Variants in HAND2 observed in about 807,000 individuals in gnomAD.
HAND2 encodes the protein heart and neural crest derivatives expressed 2.
A neutral mutation model predicts 14.7 loss-of-function variants in HAND2; 2 were observed. The ratio of observed to expected loss-of-function variants is 0.14; its 90% CI spans 0.06 to 0.43. The LOEUF (loss-of-function observed/expected upper bound fraction) is 0.43. HAND2 is among the 20% of genes least tolerant of loss of function. The pLI is 0.99. For missense variants in HAND2, 275 were observed against 313.6 expected, an observed-to-expected ratio of 0.88 and a Z score of 0.93; for synonymous variants, 162 against 135.9, an observed-to-expected ratio of 1.19 and a Z score of -1.34.
In HAND2 at chr4:173,529,636, G is replaced by T; in HGVS notation, c.-347C>A. On this transcript the variant is annotated 5_prime_UTR_variant, in exon 1 of 2. Transcript: ENST00000359562. ...CTCCTGCTTCCCGGGCTGCTGCGCG[G>T]AGGCAGAATCCTCTCGTGCTCATAC... is the stretch of plus-strand genomic sequence containing the variant. 1 of 153,668 alleles carries T rather than the reference G, an allele frequency of 6.5e-6. No individual in the cohort carries two copies. The highest frequency in any genetic ancestry group is 1.8e-4 in the South Asian group (1 of 5,540). 9.5% of individuals were successfully genotyped at this position (153,668 alleles called of 1,614,324 possible). A position where few individuals can be genotyped will look rare whatever the true frequency, so the allele number is the denominator to read the frequency against.
chr4:173,527,535 A>C (rs1233586263), intron 1 of HAND2, 160 bp from the exon 2 acceptor site: 1 of 687,924 alleles, frequency 1.5e-6, no homozygotes, highest in African/African-American at 1.8e-5. Flanking sequence ...GAAGCTACCA[A>C]GGTTAGCGCT....
Position 173,528,615 on chromosome 4 carries a change from T to C in HAND2, c.555+120A>G, listed in dbSNP as rs961642052. The C allele has an allele frequency of 5.5e-6, 7 of 1,278,564 alleles. No individual in the cohort carries two copies. In the African/African-American group the frequency reaches 8.8e-5, roughly 16 times the overall value. 79.2% of individuals were successfully genotyped at this position (1,278,564 alleles called of 1,614,324 possible). A position where few individuals can be genotyped will look rare whatever the true frequency, so the allele number is the denominator to read the frequency against. ...CTTACACAACCTGGTGCAAACAACC[T>C]TGAAGCGGGACGCAGCCAAAGAACA... On this transcript the variant is annotated intron_variant, in intron 1 of 1. Transcript: ENST00000359562. This position sits in a 1 kb window ranked among gnomAD's most constrained non-coding sequence, Gnocchi z 5.6.
At position 173,529,356 on chromosome 4, in the gene HAND2, C is replaced by T; in HGVS notation, c.-67G>A. 2.5e-6 allele frequency: 3 copies of T among 1,187,460 alleles called. No individual in the cohort carries two copies. The highest frequency in any genetic ancestry group is 2.1e-6 in the Non-Finnish European group (2 of 950,860). 73.6% of individuals were successfully genotyped at this position (1,187,460 alleles called of 1,614,324 possible). A position where few individuals can be genotyped will look rare whatever the true frequency, so the allele number is the denominator to read the frequency against. On this transcript the variant is annotated 5_prime_UTR_variant, in exon 1 of 2. Coordinates refer to ENST00000359562, the MANE Select transcript of HAND2 (RefSeq NM_021973.3). ...GCCCCGCCGCGCCCTCGGCCCGGGC[C>T]CCTGCCTCAGCGCTCGGCGTCCTCC...
chr4:173,527,010 T>C lies in HAND2; in HGVS notation c.*267A>G. 1.6e-6 allele frequency: 1 copy of C among 634,052 alleles called. No individual in the cohort carries two copies. Among genetic ancestry groups the C allele is most frequent in the Admixed American group, 2.1e-5 (1 of 47,810 alleles). 39.3% of individuals were successfully genotyped at this position (634,052 alleles called of 1,614,324 possible). On this transcript the variant is annotated 3_prime_UTR_variant, in exon 2 of 2. Transcript: ENST00000359562. Reference sequence around the variant, plus strand: ...GAATCTATGAGACGACGGGATCCCTTACCACACGGGAGTGTCCTCTTCGTA... The same window carrying C: ...GAATCTATGAGACGACGGGATCCCTCACCACACGGGAGTGTCCTCTTCGTA...
Position 173,527,280 on chromosome 4 carries a change from C to T in HAND2, c.651G>A (p.Gln217=). Reference sequence around the variant, plus strand: ...CTCCTCCTCCTTCTCCTCCTCCTCACTGCTTGAGCTCCAGGGCCCAGACGT... The same window carrying T: ...CTCCTCCTCCTTCTCCTCCTCCTCATTGCTTGAGCTCCAGGGCCCAGACGT... The part of the protein sequence containing the change: ...PQHVWALELK[Q] Residue 217 remains glutamine, a synonymous_variant, in exon 2 of 2, where the codon CAG becomes CAA. Transcript: ENST00000359562. 1 of 1,610,102 alleles carries T rather than the reference C, an allele frequency of 6.2e-7. No homozygotes were observed.
Position 173,527,310 on chromosome 4 carries a change from C to A in HAND2, c.621G>T (p.Pro207=), listed in dbSNP as rs75005999. ...TGAGCTCCAGGGCCCAGACGTGCTG[C>A]GGCCAGCCCGTCCGGCCTTTGGTTT... ...DKKTKGRTGW[P]QHVWALELKQ Residue 207 remains proline, a synonymous_variant, in exon 2 of 2, where the codon CCG becomes CCT. Coordinates refer to ENST00000359562, the MANE Select transcript of HAND2 (RefSeq NM_021973.3). 1 of 1,613,004 alleles carries A rather than the reference C, an allele frequency of 6.2e-7. No individual in the cohort carries two copies. Among genetic ancestry groups the A allele is most frequent in the Non-Finnish European group, 8.5e-7 (1 of 1,179,384 alleles).
At chr4:173,527,786 C>T (rs921239202) in intron 1 of HAND2, 2 of 186,790 alleles carry the variant, frequency 1.1e-5, no homozygotes, top group Admixed American at 5.4e-5. Context: ...CTGGGCCTCT[C>T]GGCCAGAGGC....
Position 173,527,110 on chromosome 4 carries a change from G to T in HAND2, c.*167C>A. 1 of 703,478 alleles carries T rather than the reference G, an allele frequency of 1.4e-6. No individual in the cohort carries two copies. Among genetic ancestry groups the T allele is most frequent in the Admixed American group, 2.0e-5 (1 of 50,058 alleles). 43.6% of individuals were successfully genotyped at this position (703,478 alleles called of 1,614,324 possible). ...GGAGACGGGGAGCAGATGCCTCAAA[G>T]GGGGTCAAAGAGAGGGGAAGGAAAT... On this transcript the variant is annotated 3_prime_UTR_variant, in exon 2 of 2. Coordinates refer to ENST00000359562, the MANE Select transcript of HAND2 (RefSeq NM_021973.3).
rs186351805 is a variant in HAND2 at position 173,528,711 on chromosome 4, C to G, written c.555+24G>C. The G allele has an allele frequency of 2.5e-6, 4 of 1,602,316 alleles. No individual in the cohort carries two copies. The African/African-American group carries it at 5.4e-5, about 21-fold the overall frequency. ...AGTTCCCTGACCCCCTCAGCCCCAC[C>G]GCCTGCCGCCCCCTGGTACTGACCA... On this transcript the variant is annotated intron_variant, in intron 1 of 1. Coordinates refer to ENST00000359562, the MANE Select transcript of HAND2 (RefSeq NM_021973.3). This position sits in a 1 kb window ranked among gnomAD's most constrained non-coding sequence, Gnocchi z 5.6.
intron 1 of HAND2, 70 bp from the exon 2 acceptor site, chr4:173,527,445 C>G: frequency 2.0e-6 from 2 of 1,014,972 alleles, no homozygotes; most frequent in Middle Eastern, 2.1e-4. Context: ...GGTTCCACAC[C>G]AACCCGGAGC....
At chr4:173,527,415 G>C (rs768097291) in intron 1 of HAND2, 40 bp from the exon 2 acceptor site, 3 of 1,357,224 alleles carry the variant, frequency 2.2e-6, no homozygotes, top group Non-Finnish European at 3.2e-6. Context: ...AGTGGAAAGA[G>C]AAATTCAGAG....
Position 173,527,493 on chromosome 4 carries a change from G to T in HAND2, c.556-118C>A. ...AGGAGACAGTGAACCAGAGAGGAAA[G>T]GATACGATGGGGGAGTCCCAGCCCC... On this transcript the variant is annotated intron_variant, in intron 1 of 1. Transcript: ENST00000359562. The T allele has an allele frequency of 5.2e-6, 4 of 776,404 alleles. No homozygotes were observed. In the East Asian group the frequency reaches 7.3e-5, roughly 14 times the overall value. The allele number at this position is 776,404 out of a possible 1,614,324, so 48.1% of individuals were successfully genotyped here. A position where few individuals can be genotyped will look rare whatever the true frequency, so the allele number is the denominator to read the frequency against.
chr4:173,529,206 GGCAGCTGCGGCGGCGGCGGCGGCA>G lies in HAND2; in HGVS notation c.60_83del (p.Ala25_Ala32del). 2 of 1,424,698 alleles carry G rather than the reference GGCAGCTGCGGCGGCGGCGGCGGCA, an allele frequency of 1.4e-6. No individual in the cohort carries two copies. Among genetic ancestry groups the G allele is most frequent in the South Asian group, 1.6e-5 (1 of 62,194 alleles). The allele number at this position is 1,424,698 out of a possible 1,614,324, so 88.3% of individuals were successfully genotyped here. On this transcript the variant is annotated inframe_deletion, in exon 1 of 2. Transcript: ENST00000359562. ...GGCTGCAGCGGCTGGCGGCGGCGGCGGCAGCTGCGGCGGCGGCGGCGGCAAACGGGTAGCCCTCGTGGTGCACCA... is the reference window on the plus strand; with the variant it reads ...GGCTGCAGCGGCTGGCGGCGGCGGCGAACGGGTAGCCCTCGTGGTGCACCA...
Position 173,529,087 on chromosome 4 carries a change from T to A in HAND2, c.203A>T (p.Tyr68Phe). ...YSMALSYSPEYASGAAGLDHS... is the reference protein window; with the variant it reads ...YSMALSYSPEFASGAAGLDHS... ...GTCCAGGCCGGCGGCGCCGCTGGCATACTCGGGGCTGTAGGACAGGGCCAT... is the reference window on the plus strand; with the variant it reads ...GTCCAGGCCGGCGGCGCCGCTGGCAAACTCGGGGCTGTAGGACAGGGCCAT... Residue 68 changes from tyrosine to phenylalanine, a missense_variant, in exon 1 of 2, where the codon TAT becomes TTT. Transcript: ENST00000359562. 1 of 1,508,020 alleles carries A rather than the reference T, an allele frequency of 6.6e-7. No individual in the cohort carries two copies. Among genetic ancestry groups the A allele is most frequent in the Non-Finnish European group, 8.8e-7 (1 of 1,140,572 alleles). 93.4% of individuals were successfully genotyped at this position (1,508,020 alleles called of 1,614,324 possible).
Position 173,528,741 on chromosome 4 carries a change from C to A in HAND2, c.549G>T (p.Lys183Asn). The A allele has an allele frequency of 6.2e-7, 1 of 1,613,418 alleles. No homozygotes were observed. The highest frequency in any genetic ancestry group is 8.5e-7 in the Non-Finnish European group (1 of 1,179,652). The stretch of plus-strand genomic sequence containing the variant: ...GCCGCCCCCTGGTACTGACCAGCTC[C>A]TTCTTCCTCTTCTCCTCTTTCACGT... Reference protein sequence around the residue: ...KTDVKEEKRKKELNEILKSTV... With the variant: ...KTDVKEEKRKNELNEILKSTV... The change falls in exon 1 of 2, where the codon AAG (lysine) becomes AAT (asparagine). Residue 183 changes from lysine to asparagine, a missense_variant. By Grantham distance (94) the Lys-to-Asn change is moderately conservative. This residue lies in a region of HAND2 where 54 missense variants were observed against 54.3 expected (regional missense o/e 0.99). Coordinates refer to ENST00000359562, the MANE Select transcript of HAND2 (RefSeq NM_021973.3). This position sits in a 1 kb window ranked among gnomAD's most constrained non-coding sequence, Gnocchi z 5.6.
rs1042697968 is a variant in HAND2, at chr4:173,528,793, G to C, written c.497C>G (p.Ala166Gly). ...GGTCTTCTTGATCTCTGCCTTGAAG[G>C]CCTCCGCCTCGCCATTCTGGTCGTC... ...AKDDQNGEAEAFKAEIKKTDV... is the reference protein window; with the variant it reads ...AKDDQNGEAEGFKAEIKKTDV... The change falls in exon 1 of 2, where the codon GCC becomes GGC. Residue 166 changes from alanine to glycine, a missense_variant. Physicochemically the swap from Ala to Gly is moderately conservative, Grantham distance 60. This residue lies in a region of HAND2 where 54 missense variants were observed against 54.3 expected (regional missense o/e 0.99). Coordinates refer to ENST00000359562, the MANE Select transcript of HAND2 (RefSeq NM_021973.3). The surrounding 1 kb of genome is among the most constrained non-coding windows in gnomAD (Gnocchi z 5.6). 1 of 1,614,054 alleles carries C rather than the reference G, an allele frequency of 6.2e-7. No individual in the cohort carries two copies. The highest frequency in any genetic ancestry group is 2.2e-5 in the East Asian group (1 of 44,886).
chr4:173,529,681 C>T lies in HAND2; in HGVS notation c.-392G>A, dbSNP rs1731649978. 1.3e-5 allele frequency: 2 copies of T among 152,280 alleles called. No individual in the cohort carries two copies. The highest frequency in any genetic ancestry group is 4.8e-5 in the African/African-American group (2 of 41,408). 9.4% of individuals were successfully genotyped at this position (152,280 alleles called of 1,614,324 possible). On this transcript the variant is annotated 5_prime_UTR_variant, in exon 1 of 2. Coordinates refer to ENST00000359562, the MANE Select transcript of HAND2 (RefSeq NM_021973.3). ...TCATACAAAGGTGCCGGGGCTCCCG[C>T]GAGGCTGGTACGCGGAGTCTCGGGA...
In HAND2 at chr4:173,528,440, G is replaced by GATCGCGACCC. The variant is rs1731576454; in HGVS notation, c.555+285_555+294dup. 1 of 448,738 alleles carries GATCGCGACCC rather than the reference G, an allele frequency of 2.2e-6. No homozygotes were observed. The highest frequency in any genetic ancestry group is 2.2e-5 in the South Asian group (1 of 44,752). 27.8% of individuals were successfully genotyped at this position (448,738 alleles called of 1,614,324 possible). A position where few individuals can be genotyped will look rare whatever the true frequency, so the allele number is the denominator to read the frequency against. On this transcript the variant is annotated intron_variant, in intron 1 of 1. Transcript: ENST00000359562. This position sits in a 1 kb window ranked among gnomAD's most constrained non-coding sequence, Gnocchi z 5.6. ...CATCCAGACCAGTGCGATCGCGATC[G>GATCGCGACCC]ATCGCGACCCAGAGTTTTCAAGGTC...
rs1184199871 is a variant in HAND2, at chr4:173,529,197, GGCGGCGGCGGCAGCT to G, written c.78_92del (p.Ala28_Ala32del). ...TCTCCTCATGGCTGCAGCGGCTGGC[GGCGGCGGCGGCAGCT>G]GCGGCGGCGGCGGCGGCAAACGGGT... On this transcript the variant is annotated inframe_deletion, in exon 1 of 2. Coordinates refer to ENST00000359562, the MANE Select transcript of HAND2 (RefSeq NM_021973.3). 17 of 1,430,578 alleles carry G rather than the reference GGCGGCGGCGGCAGCT, an allele frequency of 1.2e-5. No homozygotes were observed. The highest frequency in any genetic ancestry group is 6.5e-5 in the Admixed American group (2 of 30,776). The allele number at this position is 1,430,578 out of a possible 1,614,324, so 88.6% of individuals were successfully genotyped here. A position where few individuals can be genotyped will look rare whatever the true frequency, so the allele number is the denominator to read the frequency against.
Sources: gnomAD v4.1 joint callset for allele counts on GRCh38, gnomAD v4.1.1 for gene constraint, gnomAD v4.1.1 regional missense constraint, Gnocchi (gnomAD v3.1) non-coding constraint, MANE v1.5 for transcripts, NCBI Gene and HGNC (gene_info 2026-07-23, HGNC 2026-07-21) for gene names.